Variants in CACNA1C observed in about 807,000 individuals in gnomAD.
CACNA1C encodes calcium voltage-gated channel subunit alpha1 C.
Under a neutral mutation model 229.0 loss-of-function variants are expected in CACNA1C, and 30 were observed. The observed-to-expected ratio is 0.13, with a 90% CI of 0.10 to 0.18. The LOEUF (loss-of-function observed/expected upper bound fraction) is 0.18. Among genes scored for constraint, CACNA1C ranks in the 10% least tolerant of loss-of-function variants. CACNA1C has a pLI of 1.00. For synonymous variants in CACNA1C, 1,114 were observed against 1,132.5 expected (o/e 0.98, Z 0.33); for missense variants, 1,658 against 2,845.0 (o/e 0.58, Z 9.49).
chr12:2,415,017 G>T (rs781658489), intron 3 of CACNA1C, among the ~76,000 whole-genome samples: 2 of 152,160 alleles, frequency 1.3e-5, no homozygotes, highest in Non-Finnish European at 2.9e-5. Context: ...GACACGGTCT[G>T]TGTGTGCCAT....
chr12:1,976,970 A>C (rs779009760), intron 1 of CACNA1C, among the ~76,000 whole-genome samples: 3 of 152,208 alleles, frequency 2.0e-5, no homozygotes, highest in African/African-American at 7.2e-5. Flanking sequence ...AAGATTAGGA[A>C]CTACTATTTG....
At chr12:2,141,110 G>T (rs772710736) in intron 3 of CACNA1C, among the ~76,000 whole-genome samples, 1 of 150,944 alleles carries the variant, frequency 6.6e-6, no homozygotes, top group Non-Finnish European at 1.5e-5. Flanking sequence ...CCCGAGGTGA[G>T]CAGGGCCCAC....
At chr12:2,387,536 CGAAAGAAAGAAA>C (rs145897152) in intron 3 of CACNA1C, among the ~76,000 whole-genome samples, 5 of 150,216 alleles carry the variant, frequency 3.3e-5, no homozygotes, top group African/African-American at 1.2e-4. Flanking sequence ...GAACTAAGAG[CGAAAGAAAGAAA>C]GAAAGAAAGA....
intron 1 of CACNA1C, among the ~76,000 whole-genome samples, chr12:2,092,835 T>C (rs998744929): frequency 1.3e-5 from 2 of 152,226 alleles, no homozygotes; most frequent in African/African-American, 4.8e-5. Context: ...AGTGGAGAGC[T>C]GAGACTCAAA....
At chr12:2,086,689 T>A (rs2067813168) in intron 1 of CACNA1C, among the ~76,000 whole-genome samples, 1 of 152,196 alleles carries the variant, frequency 6.6e-6, no homozygotes, top group African/African-American at 2.4e-5. Flanking sequence ...GGCTTCTCTC[T>A]TTGTGGTCTT....
intron 3 of CACNA1C, among the ~76,000 whole-genome samples, chr12:2,369,100 A>G (rs1421300269): frequency 2.0e-5 from 3 of 152,234 alleles, no homozygotes; most frequent in Non-Finnish European, 4.4e-5. Context: ...GAGCCATAAA[A>G]TAATGCATCA....
chr12:2,423,953 G>A (rs2099003521), intron 3 of CACNA1C, among the ~76,000 whole-genome samples: 1 of 152,152 alleles, frequency 6.6e-6, no homozygotes, highest in African/African-American at 2.4e-5. Context: ...CTCATGGCAG[G>A]TGGCTGAATG....
chr12:2,232,488 A>G (rs766286507), intron 3 of CACNA1C, among the ~76,000 whole-genome samples: 1 of 151,824 alleles, frequency 6.6e-6, no homozygotes, highest in Non-Finnish European at 1.5e-5. Context: ...GGTGCTGTTA[A>G]CCTTCATCAC....
intron 39 of CACNA1C, chr12:2,676,163 G>A (rs1036957235): frequency 6.6e-6 from 1 of 152,214 alleles, no homozygotes; most frequent in Non-Finnish European, 1.5e-5. Flanking sequence ...AGGACTCCAG[G>A]TAGGACTCCA....
chr12:2,200,605 C>T (rs1315395919), intron 3 of CACNA1C, among the ~76,000 whole-genome samples: 1 of 152,158 alleles, frequency 6.6e-6, no homozygotes, highest in Non-Finnish European at 1.5e-5. Flanking sequence ...GGCTCCTACT[C>T]CCATGAAGCT....
chr12:1,981,975 T>C (rs751480250), intron 1 of CACNA1C, among the ~76,000 whole-genome samples: 5 of 152,196 alleles, frequency 3.3e-5, no homozygotes, highest in Non-Finnish European at 5.9e-5. Flanking sequence ...GCAGCAGATG[T>C]GATCTGAAAG....
At chr12:2,192,239 C>G (rs1405945663) in intron 3 of CACNA1C, among the ~76,000 whole-genome samples, 3 of 152,204 alleles carry the variant, frequency 2.0e-5, no homozygotes, top group Admixed American at 6.5e-5. Context: ...CCCCTCAGGC[C>G]TTTTTGCCAG....
chr12:2,534,092 C>T (rs571765108), intron 9 of CACNA1C, among the ~76,000 whole-genome samples: 1 of 152,198 alleles, frequency 6.6e-6, no homozygotes, highest in South Asian at 2.1e-4. Flanking sequence ...GGCTTTTGTG[C>T]ATGTGGGGGA....
At position 2,654,003 on chromosome 12, in the gene CACNA1C, A is replaced by C; in HGVS notation, c.4140+103A>C. 1 of 902,144 alleles carries C rather than the reference A, an allele frequency of 1.1e-6. No homozygotes were observed. The highest frequency in any genetic ancestry group is 1.8e-6 in the Non-Finnish European group (1 of 569,574). 55.9% of individuals were successfully genotyped at this position (902,144 alleles called of 1,614,324 possible). ...CCTTCCTCCCTCCCTTCTCCCTTTC[A>C]TTCCTGACTGTCCCTCTCCCTCCTC... On this transcript the variant is annotated intron_variant, in intron 33 of 46. Transcript: ENST00000399655. This position sits in a 1 kb window ranked among gnomAD's most constrained non-coding sequence, Gnocchi z 4.4.
At chr12:2,329,282 T>G (rs1221069902) in intron 3 of CACNA1C, among the ~76,000 whole-genome samples, 1 of 152,212 alleles carries the variant, frequency 6.6e-6, no homozygotes, top group African/African-American at 2.4e-5. Context: ...AATAACAGCA[T>G]CAACAGTTTC....
chr12:2,030,772 A>G (rs948155200), intron 1 of CACNA1C, among the ~76,000 whole-genome samples: 1 of 152,236 alleles, frequency 6.6e-6, no homozygotes, highest in Non-Finnish European at 1.5e-5. Context: ...TTAGGCAGGC[A>G]TGAGGCCACA....
rs2099790441 is a variant in CACNA1C, at chr12:2,513,869, G to A, written c.1390+885G>A. On this transcript the variant is annotated intron_variant, in intron 9 of 46. Transcript: ENST00000399655. ...TTTGACAACTCCCCCAGGTGATCAA[G>A]ATGCATAGTAAATTTGAGAAGCTTT... Among the ~76,000 whole-genome samples, 4 of 152,210 alleles carry A rather than the reference G, an allele frequency of 2.6e-5. No individual in the cohort carries two copies. The South Asian group carries it at 6.2e-4, about 24-fold the overall frequency.
chr12:2,671,274 A>T (rs150227906), intron 38 of CACNA1C, among the ~76,000 whole-genome samples: 114 of 152,288 alleles, frequency 7.5e-4, no homozygotes, highest in African/African-American at 2.7e-3. Context: ...GGGCCTCCCA[A>T]AGTGCTGGGA....
At chr12:2,001,944 T>C (rs2154479317) in intron 1 of CACNA1C, among the ~76,000 whole-genome samples, 1 of 152,328 alleles carries the variant, frequency 6.6e-6, no homozygotes, top group East Asian at 1.9e-4. Context: ...GTCTAAGGAC[T>C]GACAGCTGGA....
Sources: gnomAD v4.1 joint callset for allele counts (sites outside exome capture counted in the v4.1 genomes callset) on GRCh38, gnomAD v4.1.1 for gene constraint, Gnocchi (gnomAD v3.1) non-coding constraint, MANE v1.5 for transcripts, NCBI Gene and HGNC (gene_info 2026-07-23, HGNC 2026-07-21) for gene names.